The following C2CD3 variants were observed in gnomAD, a reference collection of about 807,000 sequenced individuals.
The protein encoded by C2CD3 is C2 domain-containing protein 3.
Under a neutral mutation model 234.0 loss-of-function variants are expected in C2CD3, and 148 were observed. The ratio of observed to expected loss-of-function variants is 0.63; its 90% CI spans 0.55 to 0.72. The LOEUF is 0.72. Ranked by LOEUF, C2CD3 falls within the 30% of genes least tolerant of loss-of-function variation. The pLI, the probability that C2CD3 is intolerant of heterozygous loss-of-function variation, is 0.00. For missense variants in C2CD3, 2,577 were observed against 2,811.5 expected (o/e 0.92, Z 1.89); for synonymous variants, 1,000 against 1,035.4 (o/e 0.97, Z 0.66).
chr11:74,143,093 C>A (rs139854201), intron 3 of C2CD3, among the ~76,000 whole-genome samples: 1 of 152,080 alleles, frequency 6.6e-6, no homozygotes, highest in Non-Finnish European at 1.5e-5. Context: ...AAATATATCA[C>A]CCCTCTTCCA....
chr11:74,082,953 T>C (rs1053060328), intron 22 of C2CD3, among the ~76,000 whole-genome samples: 9 of 152,252 alleles, frequency 5.9e-5, no homozygotes, highest in Admixed American at 1.3e-4. Flanking sequence ...TTAAAGTTCA[T>C]ATGGAACCAA....
chr11:74,150,546 T>TTTATTATGAAAAA (rs1555063142), intron 3 of C2CD3, among the ~76,000 whole-genome samples: 21 of 126,890 alleles, frequency 1.7e-4, no homozygotes, highest in African/African-American at 6.4e-4. Context: ...TTTCTAAGCT[T>TTTATTATGAAAAA]TTTAAAACAT....
Position 74,106,351 on chromosome 11 carries a change from C to G in C2CD3, c.2085+20G>C, listed in dbSNP as rs138663116. On this transcript the variant is annotated intron_variant, in intron 13 of 32. Transcript: ENST00000334126. The stretch of plus-strand genomic sequence containing the variant: ...ATACTCAGCAAATACTTCTGACTTC[C>G]TGAATGTATATCTACATACCTTGAG... 1.5e-4 allele frequency: 242 copies of G among 1,612,444 alleles called. No homozygotes were observed. The East Asian group carries it at 4.1e-3, about 27-fold the overall frequency.
chr11:74,084,846 G>C (rs1265667187), intron 22 of C2CD3, 35 bp downstream of exon 22: 1 of 1,232,834 alleles, frequency 8.1e-7, no homozygotes, highest in African/African-American at 1.5e-5. Flanking sequence ...AAAGGGAAAG[G>C]GTGGCATCAG....
Position 74,114,458 on chromosome 11 carries a change from TGGA to T in C2CD3, c.1653_1655del (p.Pro552del). The T allele has an allele frequency of 6.2e-7, 1 of 1,613,862 alleles. No individual in the cohort carries two copies. The highest frequency in any genetic ancestry group is 8.5e-7 in the Non-Finnish European group (1 of 1,179,890). On this transcript the variant is annotated inframe_deletion, in exon 10 of 33. Coordinates refer to ENST00000334126, the MANE Select transcript of C2CD3 (RefSeq NM_001286577.2). Reference sequence around the variant, plus strand: ...TGCCAGGGGTCATCTGAGGACTATCTGGAGGAACTCCCATGGTTTCGATGATGA... The same window carrying T: ...TGCCAGGGGTCATCTGAGGACTATCTGGAACTCCCATGGTTTCGATGATGA...
intron 26 of C2CD3, among the ~76,000 whole-genome samples, chr11:74,051,987 G>C (rs1349181459): frequency 6.6e-6 from 1 of 152,104 alleles, no homozygotes; most frequent in Non-Finnish European, 1.5e-5. Flanking sequence ...TTATGCTAGA[G>C]TCTGCAAATT....
chr11:74,094,100 T>C (rs993396944), intron 17 of C2CD3, 101 bp from the exon 18 acceptor site: 34 of 925,790 alleles, frequency 3.7e-5, no homozygotes, highest in Admixed American at 5.1e-5. Context: ...AATTCCCTAG[T>C]AGTTATGGTT....
rs141826355 is a variant in C2CD3, at chr11:74,118,373, T to C, written c.1375A>G (p.Thr459Ala). The C allele has an allele frequency of 2.8e-5, 45 of 1,612,248 alleles. No individual in the cohort carries two copies. Among genetic ancestry groups the C allele is most frequent in the Non-Finnish European group, 3.6e-5 (43 of 1,178,574 alleles). ...TCACTGAGGAAATCACTGATGCTGG[T>C]ATCAGATTTCTATGGAGAGGAAGAA... ...NLFYTAPKSD[T>A]SISDFLSEED... Residue 459 changes from threonine to alanine, a missense_variant, in exon 9 of 33, where the codon ACC (threonine) becomes GCC (alanine). Coordinates refer to ENST00000334126, the MANE Select transcript of C2CD3 (RefSeq NM_001286577.2).
chr11:74,042,305 T>C, intron 28 of C2CD3, 87 bp from the exon 29 acceptor site: 2 of 1,327,704 alleles, frequency 1.5e-6, no homozygotes, highest in Middle Eastern at 2.3e-4. Context: ...AACAAATCAC[T>C]ATCCTGAAAT....
intron 22 of C2CD3, 74 bp from the exon 23 acceptor site, chr11:74,078,791 C>A: frequency 7.4e-7 from 1 of 1,347,962 alleles, no homozygotes; most frequent in East Asian, 2.4e-5. Context: ...ACTCTCCACC[C>A]CATAGTGTCC....
intron 10 of C2CD3, 56 bp downstream of exon 10, chr11:74,114,328 C>T: frequency 8.6e-7 from 1 of 1,158,018 alleles, no homozygotes; most frequent in Non-Finnish European, 1.3e-6. Flanking sequence ...TGATTATTAC[C>T]ATCAGACACA....
intron 7 of C2CD3, chr11:74,129,344 CCT>C (rs956004295): frequency 2.3e-5 from 4 of 172,982 alleles, no homozygotes; most frequent in Non-Finnish European, 4.9e-5. Context: ...GCAGAGGTCT[CCT>C]CATTTCTCAG....
chr11:74,055,943 T>C (rs1953932120), intron 25 of C2CD3, among the ~76,000 whole-genome samples: 1 of 152,252 alleles, frequency 6.6e-6, no homozygotes, highest in African/African-American at 2.4e-5. Flanking sequence ...TTTTAGGTTG[T>C]GAATGAACAA....
intron 22 of C2CD3, among the ~76,000 whole-genome samples, chr11:74,082,074 A>G (rs1218208785): frequency 1.3e-5 from 2 of 151,768 alleles, no homozygotes; most frequent in African/African-American, 4.8e-5. Flanking sequence ...CAGTTTTCAA[A>G]GGGAATGCTT....
At chr11:74,080,142 A>T (rs1487198445) in intron 22 of C2CD3, among the ~76,000 whole-genome samples, 1 of 152,216 alleles carries the variant, frequency 6.6e-6, no homozygotes, top group Non-Finnish European at 1.5e-5. Flanking sequence ...GGCATTATAT[A>T]AAACATTGTG....
At chr11:74,128,421 G>C (rs928728905) in intron 7 of C2CD3, 3 of 152,000 alleles carry the variant, frequency 2.0e-5, no homozygotes, top group Admixed American at 2.0e-4. Flanking sequence ...TCTTGTTTGT[G>C]CTTTTGGTGT....
chr11:74,098,341 T>C (rs1449588200), intron 15 of C2CD3, 86 bp from the exon 16 acceptor site: 1 of 1,408,444 alleles, frequency 7.1e-7, no homozygotes. Flanking sequence ...TTTTTTCAGT[T>C]TGTTAAAAAT....
At chr11:74,128,326 CT>C (rs1181078485) in intron 7 of C2CD3, among the ~76,000 whole-genome samples, 1 of 151,918 alleles carries the variant, frequency 6.6e-6, no homozygotes, top group Non-Finnish European at 1.5e-5. Flanking sequence ...TATTTTTTCC[CT>C]TTCTGTGGTG....
chr11:74,123,114 A>G lies in C2CD3; in HGVS notation c.1239T>C (p.Asn413=), dbSNP rs760644337. 3.9e-5 allele frequency: 63 copies of G among 1,613,326 alleles called. No homozygotes were observed. Among genetic ancestry groups the G allele is most frequent in the Non-Finnish European group, 5.3e-5 (62 of 1,179,286 alleles). ...LLGSAELSQG[N]FWDGLGSPPD... ...GAGGAGAGCCTAGCCCATCCCAGAA[A>G]TTGCCTTGGGATAATTCAGCACTGC... is the stretch of plus-strand genomic sequence containing the variant. The change falls in exon 8 of 33, where the codon AAT becomes AAC. Residue 413 remains asparagine (N), a synonymous_variant. Coordinates refer to ENST00000334126, the MANE Select transcript of C2CD3 (RefSeq NM_001286577.2).
Sources: gnomAD v4.1 joint callset for allele counts (sites outside exome capture counted in the v4.1 genomes callset) on GRCh38, gnomAD v4.1.1 for gene constraint, MANE v1.5 for transcripts, NCBI Gene and HGNC (gene_info 2026-07-23, HGNC 2026-07-21) for gene names.